The following NRXN1 variants were observed in gnomAD, a reference collection of about 807,000 sequenced individuals.
NRXN1 encodes the protein neurexin-1.
NRXN1 carries 39 observed loss-of-function variants against 150.9 expected under a neutral mutation model. That is an observed-to-expected ratio of 0.26 (90% CI 0.20 to 0.34). The LOEUF (loss-of-function observed/expected upper bound fraction) is 0.34. NRXN1 is among the 10% of genes least tolerant of loss of function. The pLI, the probability that NRXN1 is intolerant of heterozygous loss-of-function variation, is 1.00. For missense variants in NRXN1, 1,815 were observed against 1,949.9 expected (o/e 0.93, Z 1.30); for synonymous variants, 924 against 757.0 (o/e 1.22, Z -3.62).
intron 21 of NRXN1, among the ~76,000 whole-genome samples, chr2:50,032,518 G>C (rs1186965817): frequency 2.0e-5 from 3 of 152,040 alleles, no homozygotes; most frequent in Non-Finnish European, 4.4e-5. Flanking sequence ...GCAGAATTTA[G>C]TAATATACAC....
At chr2:50,681,595 A>G (rs1690414971) in intron 5 of NRXN1, among the ~76,000 whole-genome samples, 1 of 152,184 alleles carries the variant, frequency 6.6e-6, no homozygotes, top group African/African-American at 2.4e-5. Flanking sequence ...ATCAACCCAC[A>G]TTAGTAAATA....
intron 2 of NRXN1, among the ~76,000 whole-genome samples, chr2:50,953,640 T>G (rs779935141): frequency 2.6e-5 from 4 of 150,992 alleles, no homozygotes; most frequent in Non-Finnish European, 5.9e-5. Context: ...CACTGCAACA[T>G]CTGCCGCTGC....
intron 2 of NRXN1, among the ~76,000 whole-genome samples, chr2:50,964,353 T>C (rs916779621): frequency 6.6e-6 from 1 of 151,508 alleles, no homozygotes; most frequent in African/African-American, 2.4e-5. Context: ...TAGTCCCCAG[T>C]GTTAGTTTTG....
In NRXN1 at chr2:50,126,332, T is replaced by A. The variant is rs570191773; in HGVS notation, c.3547-34838A>T. Among the ~76,000 whole-genome samples, 4 of 152,186 alleles carry A rather than the reference T, an allele frequency of 2.6e-5. No individual in the cohort carries two copies. In the East Asian group the frequency reaches 7.7e-4, roughly 29 times the overall value. ...CTCTTAATATTTAACTATTGCTCCA[T>A]CATTATAACAGGCACTCTGTTTAAG... On this transcript the variant is annotated intron_variant, in intron 18 of 22. Transcript: ENST00000401669.
chr2:50,202,817 A>G (rs1290258836), intron 18 of NRXN1, among the ~76,000 whole-genome samples: 1 of 152,138 alleles, frequency 6.6e-6, no homozygotes, highest in Admixed American at 6.6e-5. Context: ...GAAAATTCTT[A>G]AGATGTGAAA....
At chr2:50,740,831 T>A (rs1699338477) in intron 5 of NRXN1, among the ~76,000 whole-genome samples, 1 of 152,180 alleles carries the variant, frequency 6.6e-6, no homozygotes, top group South Asian at 2.1e-4. Context: ...AGAAATTGAT[T>A]ACTAAGAACA....
chr2:50,747,368 A>T (rs1574332890), intron 5 of NRXN1, among the ~76,000 whole-genome samples: 3 of 152,166 alleles, frequency 2.0e-5, no homozygotes, highest in Non-Finnish European at 4.4e-5. Flanking sequence ...CCCATGTGGA[A>T]TGAGGTTTCC....
intron 17 of NRXN1, among the ~76,000 whole-genome samples, chr2:50,433,093 C>G (rs1017240158): frequency 1.3e-5 from 2 of 152,190 alleles, no homozygotes; most frequent in African/African-American, 4.8e-5. Flanking sequence ...CAAGCTTCAA[C>G]TATCTTAAAA....
At chr2:50,526,043 G>A (rs2092942372) in intron 12 of NRXN1, among the ~76,000 whole-genome samples, 2 of 152,090 alleles carry the variant, frequency 1.3e-5, no homozygotes, top group African/African-American at 2.4e-5. Flanking sequence ...ATTTTTCACT[G>A]GCAAAGATTA....
At chr2:50,746,910 T>G (rs1356216331) in intron 5 of NRXN1, among the ~76,000 whole-genome samples, 1 of 152,120 alleles carries the variant, frequency 6.6e-6, no homozygotes, top group Non-Finnish European at 1.5e-5. Context: ...GAAGCAAATT[T>G]TTTTTTAACA....
intron 17 of NRXN1, among the ~76,000 whole-genome samples, chr2:50,265,455 C>T (rs1304236329): frequency 6.6e-6 from 1 of 152,090 alleles, no homozygotes; most frequent in Admixed American, 6.6e-5. Context: ...AACTGCACTG[C>T]TAATCTCTCC....
intron 5 of NRXN1, among the ~76,000 whole-genome samples, chr2:50,727,607 T>C (rs988018661): frequency 2.6e-5 from 4 of 152,152 alleles, no homozygotes; most frequent in African/African-American, 4.8e-5. Context: ...AACACCTAGA[T>C]AGTGATTTTC....
At position 50,827,142 on chromosome 2, in the gene NRXN1, G is replaced by C. The variant is rs540993802; in HGVS notation, c.832+94727C>G. 3.8e-4 allele frequency among the ~76,000 whole-genome samples: 58 copies of C among 152,308 alleles called. No individual in the cohort carries two copies. The South Asian group carries it at 0.012, about 31-fold the overall frequency. Reference sequence around the variant, plus strand: ...ACTGGATTTGGCGCATAGTGACCTTGGTAACAGTCTATTCAATCAAGAATG... The same window carrying C: ...ACTGGATTTGGCGCATAGTGACCTTCGTAACAGTCTATTCAATCAAGAATG... On this transcript the variant is annotated intron_variant, in intron 5 of 22. Transcript: ENST00000401669.
intron 17 of NRXN1, among the ~76,000 whole-genome samples, chr2:50,360,212 C>A (rs921928463): frequency 1.3e-5 from 2 of 152,236 alleles, no homozygotes. Flanking sequence ...AACTAATGGG[C>A]AAAGTAACCA....
chr2:50,110,349 G>A (rs2152723783), intron 18 of NRXN1, among the ~76,000 whole-genome samples: 1 of 152,056 alleles, frequency 6.6e-6, no homozygotes, highest in South Asian at 2.1e-4. Context: ...AAAAATAGCC[G>A]GGTGTCGTGG....
At chr2:50,062,559 C>T (rs1312976546) in intron 19 of NRXN1, among the ~76,000 whole-genome samples, 1 of 152,060 alleles carries the variant, frequency 6.6e-6, no homozygotes, top group Non-Finnish European at 1.5e-5. Context: ...TCTATATGAA[C>T]AAGCAGACTT....
At chr2:50,160,529 G>T (rs74351578) in intron 18 of NRXN1, among the ~76,000 whole-genome samples, 1 of 150,952 alleles carries the variant, frequency 6.6e-6, no homozygotes, top group South Asian at 2.1e-4. Flanking sequence ...CAACAAGAGC[G>T]AAATTTCGTC....
chr2:50,031,154 A>T (rs1420254424), intron 21 of NRXN1, among the ~76,000 whole-genome samples: 1 of 152,058 alleles, frequency 6.6e-6, no homozygotes, highest in Non-Finnish European at 1.5e-5. Context: ...ATATCCAATG[A>T]CTTAAGAAAG....
At chr2:50,903,252 G>A (rs1478816341) in intron 5 of NRXN1, among the ~76,000 whole-genome samples, 1 of 152,030 alleles carries the variant, frequency 6.6e-6, no homozygotes, top group African/African-American at 2.4e-5. Context: ...TGCTTTCTAG[G>A]TATTCACTAC....
Sources: allele counts gnomAD v4.1 joint callset (sites outside exome capture counted in the v4.1 genomes callset), GRCh38; gene constraint gnomAD v4.1.1; transcripts MANE v1.5; gene names NCBI Gene and HGNC (gene_info 2026-07-23, HGNC 2026-07-21).